Variants in MYO16 observed in about 807,000 individuals in gnomAD.
The protein encoded by MYO16 is unconventional myosin-XVI.
A neutral mutation model predicts 205.3 loss-of-function variants in MYO16; 94 were observed. The ratio of observed to expected loss-of-function variants is 0.46; its 90% CI spans 0.39 to 0.54. The LOEUF is 0.54. Ranked by LOEUF, MYO16 falls within the 20% of genes least tolerant of loss-of-function variation. The probability of loss-of-function intolerance (pLI) is 0.00; values close to 1 mark genes in which losing one functional copy is unlikely to be tolerated. For missense variants in MYO16, 2,315 were observed against 2,387.5 expected, an observed-to-expected ratio of 0.97 and a Z score of 0.63; for synonymous variants, 988 against 954.0, an observed-to-expected ratio of 1.04 and a Z score of -0.66.
chr13:108,771,809 G>A (rs1233708791), intron 4 of MYO16, among the ~76,000 whole-genome samples: 1 of 151,988 alleles, frequency 6.6e-6, no homozygotes, highest in Admixed American at 6.6e-5. Context: ...GTTTCTCCAT[G>A]TCTTTTCATG....
rs886975562 is a variant in MYO16 at position 108,869,691 on chromosome 13, A to G, written c.1425+3449A>G. 2.4e-4 allele frequency among the ~76,000 whole-genome samples: 33 copies of G among 137,080 alleles called. 1 individual carries two copies. The highest frequency in any genetic ancestry group is 1.5e-3 in the East Asian group (7 of 4,600). 89.9% of individuals were successfully genotyped at this position (137,080 alleles called of 152,430 possible). The stretch of plus-strand genomic sequence containing the variant: ...GGTTGCAGTGAGCCGAGATCGTGCC[A>G]CTGCACTCCAGCCTGGGCGACAGAG... On this transcript the variant is annotated intron_variant, in intron 12 of 34. Coordinates refer to ENST00000457511, the MANE Select transcript of MYO16 (RefSeq NM_001198950.3).
At chr13:109,032,486 T>C (rs750586606) in intron 23 of MYO16, among the ~76,000 whole-genome samples, 25 of 152,222 alleles carry the variant, frequency 1.6e-4, no homozygotes, top group Non-Finnish European at 2.9e-4. Flanking sequence ...AAGGTTCCCA[T>C]GAAGCCTCCC....
intron 28 of MYO16, among the ~76,000 whole-genome samples, chr13:109,102,385 A>T (rs1354781029): frequency 6.6e-6 from 1 of 152,146 alleles, no homozygotes; most frequent in African/African-American, 2.4e-5. Context: ...ATATAGTAGT[A>T]GTCCACGGAT....
At chr13:108,845,120 A>G (rs1231968028) in intron 10 of MYO16, among the ~76,000 whole-genome samples, 1 of 152,202 alleles carries the variant, frequency 6.6e-6, no homozygotes, top group African/African-American at 2.4e-5. Flanking sequence ...AATAACTTGC[A>G]TCCTTGAAAA....
intron 4 of MYO16, among the ~76,000 whole-genome samples, chr13:108,763,825 C>T (rs113586629): frequency 8.1e-5 from 9 of 111,554 alleles, no homozygotes; most frequent in Middle Eastern, 4.0e-3. Flanking sequence ...GTGTGTGTGT[C>T]GTGTATGTAT....
chr13:109,060,138 A>G (rs1887542905), intron 27 of MYO16, among the ~76,000 whole-genome samples: 1 of 152,188 alleles, frequency 6.6e-6, no homozygotes, highest in African/African-American at 2.4e-5. Context: ...ATTACTGGGT[A>G]TATACTCAAA....
At chr13:109,170,341 C>T (rs1466543538) in intron 33 of MYO16, among the ~76,000 whole-genome samples, 1 of 152,064 alleles carries the variant, frequency 6.6e-6, no homozygotes, top group Non-Finnish European at 1.5e-5. Flanking sequence ...GGCAATACTA[C>T]TACACACACT....
chr13:108,576,920 C>A, the MYO16 span, among the ~76,000 whole-genome samples: 2 of 152,138 alleles, frequency 1.3e-5, no homozygotes, highest in Non-Finnish European at 1.5e-5. Context: ...GCCACCACAT[C>A]TGGCTAATTT....
chr13:108,519,726 C>A, the MYO16 span, among the ~76,000 whole-genome samples: 1 of 151,634 alleles, frequency 6.6e-6, no homozygotes, highest in South Asian at 2.1e-4. Context: ...TTTACAAAGG[C>A]TATCTAAGCA....
chr13:108,819,535 G>C lies in MYO16; in HGVS notation c.868-802G>C, dbSNP rs75440411. Among the ~76,000 whole-genome samples, 571 of 151,976 alleles carry C rather than the reference G, an allele frequency of 3.8e-3. 23 individuals are homozygous for C. The East Asian group carries it at 0.074, about 20-fold the overall frequency. ...ATAGAGAGAAACATAGTTTTGGGGAGAAACACATGAAGATGTCATTAAAAA... is the reference window on the plus strand; with the variant it reads ...ATAGAGAGAAACATAGTTTTGGGGACAAACACATGAAGATGTCATTAAAAA... On this transcript the variant is annotated intron_variant, in intron 7 of 34. Transcript: ENST00000457511.
At chr13:109,072,018 C>T (rs1183103543) in intron 27 of MYO16, among the ~76,000 whole-genome samples, 1 of 152,100 alleles carries the variant, frequency 6.6e-6, no homozygotes, top group East Asian at 1.9e-4. Flanking sequence ...GTTATGCTGC[C>T]AATAAAGCAT....
intron 16 of MYO16, among the ~76,000 whole-genome samples, chr13:108,945,949 C>T (rs1227897479): frequency 2.0e-5 from 3 of 152,066 alleles, no homozygotes; most frequent in African/African-American, 7.2e-5. Flanking sequence ...AGCATGCTTC[C>T]CCCATGATAT....
intron 8 of MYO16, among the ~76,000 whole-genome samples, chr13:108,821,398 AAACTTGAG>A (rs1875964168): frequency 6.6e-6 from 1 of 152,224 alleles, no homozygotes; most frequent in African/African-American, 2.4e-5. Flanking sequence ...TAATAGTCAC[AAACTTGAG>A]AATCAAGCTA....
chr13:109,115,709 TTTTC>T (rs1233051150), intron 28 of MYO16, among the ~76,000 whole-genome samples: 18 of 152,194 alleles, frequency 1.2e-4, no homozygotes, highest in African/African-American at 4.1e-4. Flanking sequence ...TGGTCAATAA[TTTTC>T]TTTCGGTCAA....
At chr13:109,053,669 G>A (rs1258502661) in intron 25 of MYO16, among the ~76,000 whole-genome samples, 1 of 152,170 alleles carries the variant, frequency 6.6e-6, no homozygotes, top group East Asian at 1.9e-4. Flanking sequence ...CACCCAGAAA[G>A]GGAACTGGAG....
chr13:108,630,126 A>G (rs1206393400), intron 1 of MYO16, among the ~76,000 whole-genome samples: 2 of 148,820 alleles, frequency 1.3e-5, no homozygotes, highest in Non-Finnish European at 2.9e-5. Context: ...AAAATGATTC[A>G]TAGACACAGC....
chr13:109,200,807 G>T (rs1269732948), intron 34 of MYO16, among the ~76,000 whole-genome samples: 2 of 151,586 alleles, frequency 1.3e-5, no homozygotes, highest in Admixed American at 1.3e-4. Flanking sequence ...AAATCTTTAA[G>T]TCTGTTCCTG....
chr13:108,694,821 T>C (rs911500495), intron 2 of MYO16, among the ~76,000 whole-genome samples: 2 of 152,012 alleles, frequency 1.3e-5, no homozygotes. Flanking sequence ...CTTCTAAGAG[T>C]ATTAGAGTTG....
chr13:108,747,184 A>C (rs1169462632), intron 4 of MYO16, among the ~76,000 whole-genome samples: 1 of 152,244 alleles, frequency 6.6e-6, no homozygotes, highest in Admixed American at 6.5e-5. Flanking sequence ...CAACATAAAC[A>C]GGAAAATTGT....
Sources: allele counts gnomAD v4.1 joint callset (sites outside exome capture counted in the v4.1 genomes callset), GRCh38; gene constraint gnomAD v4.1.1; transcripts MANE v1.5; gene names NCBI Gene and HGNC (gene_info 2026-07-23, HGNC 2026-07-21).